The following ZNF704 variants were observed in gnomAD, a reference collection of about 807,000 sequenced individuals.
ZNF704 encodes zinc finger protein 704, also known as glucocorticoid induced gene 1.
Under a neutral mutation model 44.7 loss-of-function variants are expected in ZNF704, and 10 were observed. The ratio of observed to expected loss-of-function variants is 0.22; its 90% CI spans 0.14 to 0.38. The LOEUF is 0.38. Ranked by LOEUF, ZNF704 falls within the 10% of genes least tolerant of loss-of-function variation. The probability of loss-of-function intolerance (pLI) is 1.00; values close to 1 mark genes in which losing one functional copy is unlikely to be tolerated. For synonymous variants in ZNF704, 211 were observed against 207.6 expected, an observed-to-expected ratio of 1.02 and a Z score of -0.14; for missense variants, 390 against 545.5, an observed-to-expected ratio of 0.71 and a Z score of 2.84.
intron 1 of ZNF704, among the ~76,000 whole-genome samples, chr8:80,866,194 C>T (rs1809151717): frequency 6.6e-6 from 1 of 152,176 alleles, no homozygotes; most frequent in African/African-American, 2.4e-5. Flanking sequence ...AGAATTACAT[C>T]TCAAATTGTG....
At chr8:80,739,240 T>C (rs745756097) in intron 2 of ZNF704, among the ~76,000 whole-genome samples, 1 of 152,202 alleles carries the variant, frequency 6.6e-6, no homozygotes, top group Non-Finnish European at 1.5e-5. Flanking sequence ...AGAACCACGA[T>C]AGTCTTTCGA....
the ZNF704 span, among the ~76,000 whole-genome samples, chr8:80,883,721 G>GT: frequency 1.3e-5 from 2 of 152,018 alleles, no homozygotes; most frequent in Non-Finnish European, 2.9e-5. Context: ...CCATAACTAT[G>GT]TTTTTTTCTC....
intron 4 of ZNF704, among the ~76,000 whole-genome samples, chr8:80,676,192 A>G (rs1818362867): frequency 6.6e-6 from 1 of 152,182 alleles, no homozygotes; most frequent in African/African-American, 2.4e-5. Context: ...ACTGGAGAGT[A>G]AGTGGGATTT....
At chr8:80,645,295 G>A in intron 7 of ZNF704, 1 of 940,636 alleles carries the variant, frequency 1.1e-6, no homozygotes, top group Non-Finnish European at 1.6e-6. Context: ...TAAAAACCTA[G>A]GAGCCAACGT....
At chr8:80,715,296 T>C (rs56066970) in intron 2 of ZNF704, among the ~76,000 whole-genome samples, 11,302 of 152,232 alleles carry the variant, frequency 0.074, 1,408 homozygotes, top group African/African-American at 0.26. Context: ...ATGGATGTAT[T>C]TGCTGCTTCC....
intron 1 of ZNF704, among the ~76,000 whole-genome samples, chr8:80,863,776 C>T (rs1278647686): frequency 6.6e-6 from 1 of 152,146 alleles, no homozygotes; most frequent in African/African-American, 2.4e-5. Flanking sequence ...ATAGCAATAG[C>T]GTTGACAGAA....
chr8:80,693,630 G>A (rs925871722), intron 2 of ZNF704, among the ~76,000 whole-genome samples: 1 of 152,192 alleles, frequency 6.6e-6, no homozygotes, highest in Non-Finnish European at 1.5e-5. Context: ...GAAGGTCAGG[G>A]AGAGTCTGTC....
intron 2 of ZNF704, among the ~76,000 whole-genome samples, chr8:80,801,254 G>A (rs948145622): frequency 5.9e-5 from 9 of 152,256 alleles, no homozygotes; most frequent in African/African-American, 2.2e-4. Flanking sequence ...ATATTAGACA[G>A]ATCATCAAGA....
At chr8:80,806,432 T>A (rs1807990466) in intron 2 of ZNF704, among the ~76,000 whole-genome samples, 1 of 152,176 alleles carries the variant, frequency 6.6e-6, no homozygotes, top group Non-Finnish European at 1.5e-5. Flanking sequence ...GGACTAAATA[T>A]CCCATTTCAT....
chr8:80,786,909 G>T (rs1391279674), intron 2 of ZNF704, among the ~76,000 whole-genome samples: 1 of 152,158 alleles, frequency 6.6e-6, no homozygotes, highest in Non-Finnish European at 1.5e-5. Flanking sequence ...ATCAAGAAAT[G>T]AATAAATAAG....
intron 2 of ZNF704, among the ~76,000 whole-genome samples, chr8:80,763,830 C>T (rs1461752298): frequency 6.6e-6 from 1 of 152,156 alleles, no homozygotes; most frequent in African/African-American, 2.4e-5. Flanking sequence ...ATTTCTTCCA[C>T]CAGATACCCT....
rs867661899 is a variant in ZNF704 at position 80,874,352 on chromosome 8, G to T, written c.-22+219C>A. On this transcript the variant is annotated intron_variant, in intron 1 of 8. Coordinates refer to ENST00000327835, the MANE Select transcript of ZNF704 (RefSeq NM_001033723.3). This position sits in a 1 kb window ranked among gnomAD's most constrained non-coding sequence, Gnocchi z 4.4. The stretch of plus-strand genomic sequence containing the variant: ...GCCGCCGCCGCCGCCCGGGAGCCGC[G>T]GGCCGCGCTGCGCTCCATGCGGCCG... Among the ~76,000 whole-genome samples the T allele has an allele frequency of 6.9e-6, 1 of 145,730 alleles. No individual in the cohort carries two copies. The highest frequency in any genetic ancestry group is 2.1e-4 in the South Asian group (1 of 4,768).
chr8:80,757,740 G>T (rs1807060677), intron 2 of ZNF704, among the ~76,000 whole-genome samples: 1 of 152,116 alleles, frequency 6.6e-6, no homozygotes, highest in Admixed American at 6.5e-5. Context: ...CCTTTTTAAT[G>T]TTTAGATAGA....
chr8:80,854,695 GT>G (rs1808928268), intron 1 of ZNF704, among the ~76,000 whole-genome samples: 1 of 152,186 alleles, frequency 6.6e-6, no homozygotes, highest in Admixed American at 6.5e-5. Flanking sequence ...GGGAGCAGGA[GT>G]CAGCAAATTG....
intron 2 of ZNF704, among the ~76,000 whole-genome samples, chr8:80,719,596 G>T (rs1224588723): frequency 2.0e-5 from 3 of 152,194 alleles, no homozygotes; most frequent in Non-Finnish European, 4.4e-5. Context: ...CAGATTTGGG[G>T]TCTTGCACAT....
chr8:80,690,002 ACAACAGTTTC>A (rs1818605021), intron 3 of ZNF704, among the ~76,000 whole-genome samples: 1 of 152,260 alleles, frequency 6.6e-6, no homozygotes, highest in African/African-American at 2.4e-5. Flanking sequence ...GAAAATGATC[ACAACAGTTTC>A]CAAAAACTCA....
the ZNF704 span, among the ~76,000 whole-genome samples, chr8:80,882,750 C>T: frequency 1.4e-4 from 21 of 152,230 alleles, no homozygotes; most frequent in East Asian, 3.9e-4. Context: ...TTCATTTCAA[C>T]GACTACTATT....
intron 1 of ZNF704, among the ~76,000 whole-genome samples, chr8:80,844,634 G>C (rs1169248854): frequency 6.6e-6 from 1 of 152,026 alleles, no homozygotes; most frequent in Non-Finnish European, 1.5e-5. Flanking sequence ...AATCCAACTA[G>C]GTGTTTAAAG....
At chr8:80,816,519 T>C (rs549832706) in intron 2 of ZNF704, among the ~76,000 whole-genome samples, 1 of 152,212 alleles carries the variant, frequency 6.6e-6, no homozygotes, top group Non-Finnish European at 1.5e-5. Context: ...CCTTAAACTC[T>C]TGAAGCCTAT....
Sources: gnomAD v4.1 joint callset for allele counts (sites outside exome capture counted in the v4.1 genomes callset) on GRCh38, gnomAD v4.1.1 for gene constraint, Gnocchi (gnomAD v3.1) non-coding constraint, MANE v1.5 for transcripts, NCBI Gene and HGNC (gene_info 2026-07-23, HGNC 2026-07-21) for gene names.